Variants in HCN1 observed in about 807,000 individuals in gnomAD.
HCN1 encodes potassium/sodium hyperpolarization-activated cyclic nucleotide-gated channel 1.
Under a neutral mutation model 78.9 loss-of-function variants are expected in HCN1, and 13 were observed. The ratio of observed to expected loss-of-function variants is 0.16; its 90% CI spans 0.11 to 0.26. HCN1 has a LOEUF of 0.26. HCN1 is among the 10% of genes least tolerant of loss of function. The probability of loss-of-function intolerance (pLI) is 1.00; values close to 1 mark genes in which losing one functional copy is unlikely to be tolerated. For synonymous variants in HCN1, 552 were observed against 455.5 expected, an observed-to-expected ratio of 1.21 and a Z score of -2.70; for missense variants, 810 against 1,154.3, an observed-to-expected ratio of 0.70 and a Z score of 4.32.
At chr5:45,658,635 C>T (rs1302334879) in intron 1 of HCN1, among the ~76,000 whole-genome samples, 2 of 151,708 alleles carry the variant, frequency 1.3e-5, no homozygotes, top group Non-Finnish European at 2.9e-5. Context: ...GGCATTGCCT[C>T]ACCTGGGAAG....
intron 1 of HCN1, among the ~76,000 whole-genome samples, chr5:45,687,757 C>T (rs1420536857): frequency 6.6e-6 from 1 of 152,130 alleles, no homozygotes; most frequent in African/African-American, 2.4e-5. Flanking sequence ...TTAACCAATG[C>T]CATACCAAAA....
chr5:45,488,822 A>C (rs1741822968), intron 2 of HCN1, among the ~76,000 whole-genome samples: 1 of 152,102 alleles, frequency 6.6e-6, no homozygotes, highest in Non-Finnish European at 1.5e-5. Flanking sequence ...ATTTATATTT[A>C]GTTTATATTT....
intron 4 of HCN1, among the ~76,000 whole-genome samples, chr5:45,382,126 G>C (rs1461279132): frequency 6.6e-6 from 1 of 152,060 alleles, no homozygotes; most frequent in Non-Finnish European, 1.5e-5. Flanking sequence ...TTGCATTCTT[G>C]TCTCAGCATA....
At chr5:45,302,635 A>T (rs1010374368) in intron 6 of HCN1, among the ~76,000 whole-genome samples, 1 of 150,946 alleles carries the variant, frequency 6.6e-6, no homozygotes, top group Non-Finnish European at 1.5e-5. Flanking sequence ...TATATTTTAT[A>T]TATATAATTT....
chr5:45,434,697 G>T (rs374271868), intron 3 of HCN1, among the ~76,000 whole-genome samples: 2 of 152,118 alleles, frequency 1.3e-5, no homozygotes, highest in African/African-American at 2.4e-5. Context: ...GGATTATATT[G>T]GTAATAGCTA....
chr5:45,379,797 A>T lies in HCN1; in HGVS notation c.1230+16695T>A, dbSNP rs181810730. ...AAATACTACTTGATACAGAAAGAAA[A>T]CCACATCTGAAAATTAATAATAAAA... is the stretch of plus-strand genomic sequence containing the variant. On this transcript the variant is annotated intron_variant, in intron 4 of 7. Transcript: ENST00000303230. Among the ~76,000 whole-genome samples, 250 of 152,086 alleles carry T rather than the reference A, an allele frequency of 1.6e-3. 1 individual carries two copies. Among genetic ancestry groups the T allele is most frequent in the African/African-American group, 5.8e-3 (240 of 41,532 alleles).
chr5:45,272,566 G>A (rs1377134389), intron 6 of HCN1, among the ~76,000 whole-genome samples: 1 of 152,000 alleles, frequency 6.6e-6, no homozygotes, highest in Non-Finnish European at 1.5e-5. Flanking sequence ...CAATTACAGT[G>A]AATAAACATA....
chr5:45,300,771 CTCTT>C (rs1361662627), intron 6 of HCN1, among the ~76,000 whole-genome samples: 1 of 152,070 alleles, frequency 6.6e-6, no homozygotes, highest in African/African-American at 2.4e-5. Flanking sequence ...CTTCAATACT[CTCTT>C]TCTTTTTCCC....
intron 3 of HCN1, among the ~76,000 whole-genome samples, chr5:45,439,426 A>C (rs2112084771): frequency 6.6e-6 from 1 of 152,284 alleles, no homozygotes; most frequent in Non-Finnish European, 1.5e-5. Context: ...TTCAAATTAA[A>C]TGTATAGAGT....
chr5:45,550,639 G>A (rs1196980482), intron 2 of HCN1, among the ~76,000 whole-genome samples: 1 of 152,000 alleles, frequency 6.6e-6, no homozygotes, highest in African/African-American at 2.4e-5. Context: ...AAAACTTAAA[G>A]TATAATTTTT....
At chr5:45,546,789 A>C (rs917002980) in intron 2 of HCN1, among the ~76,000 whole-genome samples, 1 of 151,854 alleles carries the variant, frequency 6.6e-6, no homozygotes, top group Non-Finnish European at 1.5e-5. Flanking sequence ...TCGTTATTCC[A>C]ACTATACTAT....
chr5:45,650,999 G>C (rs561506637), intron 1 of HCN1, among the ~76,000 whole-genome samples: 90 of 151,890 alleles, frequency 5.9e-4, no homozygotes, highest in Non-Finnish European at 1.2e-3. Context: ...AAAGGTGCTT[G>C]TATTTACAAT....
intron 5 of HCN1, among the ~76,000 whole-genome samples, chr5:45,308,646 T>C (rs1745786561): frequency 6.6e-6 from 1 of 152,122 alleles, no homozygotes; most frequent in Non-Finnish European, 1.5e-5. Context: ...ATTTTCAATT[T>C]CAGATATATG....
At chr5:45,539,952 ATATATAT>A (rs1368325886) in intron 2 of HCN1, among the ~76,000 whole-genome samples, 46 of 97,240 alleles carry the variant, frequency 4.7e-4, no homozygotes, top group South Asian at 1.4e-3. Context: ...ATATATATAT[ATATATAT>A]AAAATGTTTA....
intron 2 of HCN1, among the ~76,000 whole-genome samples, chr5:45,613,754 A>G (rs1744888690): frequency 6.6e-6 from 1 of 152,172 alleles, no homozygotes; most frequent in Non-Finnish European, 1.5e-5. Context: ...GAAAATGTGG[A>G]AGGAATTCTT....
chr5:45,679,927 A>T (rs560918830), intron 1 of HCN1, among the ~76,000 whole-genome samples: 2 of 152,216 alleles, frequency 1.3e-5, no homozygotes, highest in South Asian at 4.1e-4. Context: ...ATTAGGGCTG[A>T]ATACACTGCA....
At chr5:45,665,528 G>A (rs1179662397) in intron 1 of HCN1, among the ~76,000 whole-genome samples, 1 of 151,970 alleles carries the variant, frequency 6.6e-6, no homozygotes, top group East Asian at 1.9e-4. Context: ...TTCTTCAACA[G>A]CTTAAAAAGC....
At chr5:45,401,273 T>C (rs1407961902) in intron 3 of HCN1, among the ~76,000 whole-genome samples, 1 of 152,162 alleles carries the variant, frequency 6.6e-6, no homozygotes, top group African/African-American at 2.4e-5. Flanking sequence ...TATTAGCATT[T>C]CCCTAGCCAA....
At chr5:45,302,019 C>T (rs1475019218) in intron 6 of HCN1, among the ~76,000 whole-genome samples, 4 of 151,900 alleles carry the variant, frequency 2.6e-5, no homozygotes, top group East Asian at 1.9e-4. Flanking sequence ...AAAAATAAAT[C>T]CAAGCAATTA....
Sources: allele counts gnomAD v4.1 joint callset (sites outside exome capture counted in the v4.1 genomes callset), GRCh38; gene constraint gnomAD v4.1.1; transcripts MANE v1.5; gene names NCBI Gene and HGNC (gene_info 2026-07-23, HGNC 2026-07-21).